The following ZDHHC14 variants were observed in gnomAD, a reference collection of about 807,000 sequenced individuals.
ZDHHC14 encodes palmitoyltransferase ZDHHC14.
ZDHHC14 carries 16 observed loss-of-function variants against 47.7 expected under a neutral mutation model. That is an observed-to-expected ratio of 0.34 (90% CI 0.23 to 0.51). ZDHHC14 has a LOEUF of 0.51. ZDHHC14 is among the 20% of genes least tolerant of loss of function. ZDHHC14 has a pLI of 0.97. For synonymous variants in ZDHHC14, 293 were observed against 278.9 expected (o/e 1.05, Z -0.50); for missense variants, 515 against 662.5 (o/e 0.78, Z 2.44).
chr6:157,433,290 A>C (rs1562422958), intron 1 of ZDHHC14, among the ~76,000 whole-genome samples: 1 of 152,238 alleles, frequency 6.6e-6, no homozygotes, highest in Non-Finnish European at 1.5e-5. Context: ...ACATGATTGC[A>C]AGCTAAATAC....
chr6:157,600,938 C>T (rs1784314170), intron 3 of ZDHHC14, among the ~76,000 whole-genome samples: 1 of 152,200 alleles, frequency 6.6e-6, no homozygotes. Context: ...TTCCAAGAGC[C>T]CTCAAGAGCA....
intron 2 of ZDHHC14, among the ~76,000 whole-genome samples, chr6:157,574,706 G>A (rs1783235819): frequency 6.6e-6 from 1 of 152,162 alleles, no homozygotes; most frequent in Admixed American, 6.5e-5. Context: ...AAAGTTTCTG[G>A]AATGTATCTA....
At chr6:157,471,996 A>C (rs1305229393) in intron 1 of ZDHHC14, among the ~76,000 whole-genome samples, 2 of 152,202 alleles carry the variant, frequency 1.3e-5, no homozygotes, top group East Asian at 3.9e-4. Context: ...GCGCACCCAC[A>C]TAAAGGCAGG....
chr6:157,604,606 G>A (rs995896084), intron 3 of ZDHHC14, among the ~76,000 whole-genome samples: 13 of 139,642 alleles, frequency 9.3e-5, no homozygotes, highest in Non-Finnish European at 1.5e-4. Context: ...GGAGTGCAGT[G>A]GCACGATCTC....
chr6:157,552,514 A>G (rs976212472), intron 2 of ZDHHC14, among the ~76,000 whole-genome samples: 1 of 152,124 alleles, frequency 6.6e-6, no homozygotes, highest in East Asian at 1.9e-4. Context: ...AGGCATTTTT[A>G]TTCCAAGTGT....
chr6:157,434,555 G>A (rs987897120), intron 1 of ZDHHC14, among the ~76,000 whole-genome samples: 26 of 151,504 alleles, frequency 1.7e-4, no homozygotes, highest in Middle Eastern at 3.4e-3. Flanking sequence ...ATTTTATTTG[G>A]GTCATAAAAA....
rs1779150157 is a variant in ZDHHC14 at position 157,463,858 on chromosome 6, C to G, written c.246-78727C>G. Among the ~76,000 whole-genome samples, 1 of 152,020 alleles carries G rather than the reference C, an allele frequency of 6.6e-6. No homozygotes were observed. Among genetic ancestry groups the G allele is most frequent in the African/African-American group, 2.4e-5 (1 of 41,388 alleles). On this transcript the variant is annotated intron_variant, in intron 1 of 8. Coordinates refer to ENST00000359775, the MANE Select transcript of ZDHHC14 (RefSeq NM_024630.3). This position sits in a 1 kb window ranked among gnomAD's most constrained non-coding sequence, Gnocchi z 4.4. ...TGGCCAATGTGGTGAAACCCCATCT[C>G]TACAAAAAATACAAAAATTAGCCAG...
At chr6:157,533,678 C>G (rs775857621) in intron 1 of ZDHHC14, among the ~76,000 whole-genome samples, 1 of 152,138 alleles carries the variant, frequency 6.6e-6, no homozygotes, top group Non-Finnish European at 1.5e-5. Flanking sequence ...AGAGGAGGGA[C>G]GTGCTCTGGC....
intron 8 of ZDHHC14, among the ~76,000 whole-genome samples, chr6:157,660,164 T>C (rs934513942): frequency 1.3e-5 from 2 of 151,782 alleles, no homozygotes; most frequent in Admixed American, 6.6e-5. Flanking sequence ...GCCAGGCCCA[T>C]GTACTTTCTT....
intron 1 of ZDHHC14, among the ~76,000 whole-genome samples, chr6:157,434,748 G>A (rs1484958976): frequency 6.6e-6 from 1 of 152,144 alleles, no homozygotes; most frequent in Non-Finnish European, 1.5e-5. Context: ...GGGAGGAGCC[G>A]GACTTTTAAC....
chr6:157,440,457 G>T (rs1407690678), intron 1 of ZDHHC14, among the ~76,000 whole-genome samples: 1 of 152,128 alleles, frequency 6.6e-6, no homozygotes, highest in Non-Finnish European at 1.5e-5. Context: ...CATTGCTGGT[G>T]GGAATGTAAA....
chr6:157,602,889 G>A (rs1784390488), intron 3 of ZDHHC14, among the ~76,000 whole-genome samples: 2 of 152,166 alleles, frequency 1.3e-5, no homozygotes, highest in South Asian at 2.1e-4. Flanking sequence ...GTTTCTTTGT[G>A]GTTTAAGCAA....
chr6:157,521,209 C>A (rs1256827652), intron 1 of ZDHHC14, among the ~76,000 whole-genome samples: 1 of 152,160 alleles, frequency 6.6e-6, no homozygotes, highest in African/African-American at 2.4e-5. Flanking sequence ...CTGGTTCGAT[C>A]TTTTCTTTGT....
intron 1 of ZDHHC14, among the ~76,000 whole-genome samples, chr6:157,428,597 C>T (rs1363461878): frequency 1.3e-5 from 2 of 152,208 alleles, no homozygotes; most frequent in East Asian, 1.9e-4. Context: ...CCGAGAGAGG[C>T]GCATTCCTGC....
chr6:157,395,089 A>G (rs997181853), intron 1 of ZDHHC14, among the ~76,000 whole-genome samples: 4 of 149,918 alleles, frequency 2.7e-5, no homozygotes, highest in African/African-American at 9.9e-5. Context: ...GAGTACTGAC[A>G]GTTTAGACCC....
intron 3 of ZDHHC14, among the ~76,000 whole-genome samples, chr6:157,626,563 G>A (rs1187687950): frequency 6.6e-6 from 1 of 152,106 alleles, no homozygotes; most frequent in Non-Finnish European, 1.5e-5. Context: ...GGCAGGTCCA[G>A]AGAGTTCCCA....
At chr6:157,538,244 A>G (rs16900262) in intron 1 of ZDHHC14, among the ~76,000 whole-genome samples, 58,523 of 151,876 alleles carry the variant, frequency 0.39, 11,421 homozygotes, top group Admixed American at 0.44. Context: ...TAGAGGTTCC[A>G]GCAAATGCCC....
At chr6:157,642,023 A>AAGATAGATAGAT (rs77223982) in intron 5 of ZDHHC14, among the ~76,000 whole-genome samples, 1,493 of 146,720 alleles carry the variant, frequency 0.01, 8 homozygotes, top group Admixed American at 0.013. Context: ...GTATATTTTG[A>AAGATAGATAGAT]AGATAGATAG....
At chr6:157,665,484 C>G (rs185282228) in intron 8 of ZDHHC14, among the ~76,000 whole-genome samples, 84 of 152,086 alleles carry the variant, frequency 5.5e-4, no homozygotes, top group African/African-American at 2.0e-3. Context: ...GGAAAGAGGC[C>G]CCAGGTATCT....
Sources: allele counts gnomAD v4.1 joint callset (sites outside exome capture counted in the v4.1 genomes callset), GRCh38; gene constraint gnomAD v4.1.1; non-coding constraint Gnocchi (gnomAD v3.1); transcripts MANE v1.5; gene names NCBI Gene and HGNC (gene_info 2026-07-23, HGNC 2026-07-21).